The following MORC1 variants were observed in gnomAD, a reference collection of about 807,000 sequenced individuals.
MORC1 encodes MORC family CW-type zinc finger 1.
Under a neutral mutation model 134.9 loss-of-function variants are expected in MORC1, and 59 were observed. The observed-to-expected ratio is 0.44, with a 90% CI of 0.35 to 0.54. The LOEUF (loss-of-function observed/expected upper bound fraction) is 0.54, where lower values mean the gene tolerates loss of function less well. Among genes scored for constraint, MORC1 ranks in the 20% least tolerant of loss-of-function variants. MORC1 has a pLI of 0.00. For missense variants in MORC1, 947 were observed against 1,134.5 expected (o/e 0.83, Z 2.37); for synonymous variants, 395 against 391.7 (o/e 1.01, Z -0.10).
At chr3:109,095,412 A>G (rs983508533) in intron 6 of MORC1, among the ~76,000 whole-genome samples, 3 of 152,196 alleles carry the variant, frequency 2.0e-5, no homozygotes, top group Non-Finnish European at 4.4e-5. Context: ...CAAGCCAGAA[A>G]GCAGAGCCAG....
intron 8 of MORC1, among the ~76,000 whole-genome samples, chr3:109,082,014 A>G (rs1387839916): frequency 1.3e-5 from 2 of 152,080 alleles, no homozygotes; most frequent in African/African-American, 2.4e-5. Flanking sequence ...AAACTGTGCT[A>G]GGTAACTCAG....
At chr3:109,048,007 A>T (rs180795014) in intron 14 of MORC1, among the ~76,000 whole-genome samples, 1 of 152,330 alleles carries the variant, frequency 6.6e-6, no homozygotes, top group African/African-American at 2.4e-5. Context: ...AAAAAGCCAC[A>T]TCTGAATGGG....
intron 15 of MORC1, among the ~76,000 whole-genome samples, chr3:109,033,378 C>A (rs1949289550): frequency 6.6e-6 from 1 of 152,030 alleles, no homozygotes; most frequent in Non-Finnish European, 1.5e-5. Flanking sequence ...TACACATTTT[C>A]TTCTGTACTT....
intron 8 of MORC1, among the ~76,000 whole-genome samples, chr3:109,078,659 CA>C (rs1950468786): frequency 6.6e-6 from 1 of 151,014 alleles, no homozygotes; most frequent in African/African-American, 2.4e-5. Context: ...TAAACAAATC[CA>C]AAAAAGATAT....
intron 14 of MORC1, among the ~76,000 whole-genome samples, chr3:109,046,395 C>T (rs1319540447): frequency 2.6e-5 from 4 of 152,176 alleles, no homozygotes; most frequent in African/African-American, 9.7e-5. Context: ...TAGTCATTGT[C>T]ACTGCTCTCC....
intron 14 of MORC1, among the ~76,000 whole-genome samples, chr3:109,035,951 C>A (rs1479449072): frequency 1.3e-5 from 2 of 152,066 alleles, no homozygotes; most frequent in Non-Finnish European, 2.9e-5. Context: ...ATTGTTTATG[C>A]ACTATCCTAT....
At chr3:109,076,690 A>G (rs1346361187) in intron 8 of MORC1, among the ~76,000 whole-genome samples, 2 of 152,198 alleles carry the variant, frequency 1.3e-5, no homozygotes, top group Admixed American at 6.5e-5. Flanking sequence ...ACATGGATGA[A>G]GCTGGAAACC....
intron 15 of MORC1, 29 bp from the exon 16 acceptor site, chr3:109,032,854 A>G: frequency 7.4e-7 from 1 of 1,353,618 alleles, no homozygotes. Context: ...TGACACAGAA[A>G]AGAGATCAGA....
chr3:109,110,119 G>A (rs1951129455), intron 3 of MORC1: 1 of 152,238 alleles, frequency 6.6e-6, no homozygotes, highest in Non-Finnish European at 1.5e-5. Flanking sequence ...TTTAAACAGA[G>A]ATATGGATTT....
At chr3:108,970,379 A>C (rs977827827) in intron 25 of MORC1, among the ~76,000 whole-genome samples, 1 of 152,228 alleles carries the variant, frequency 6.6e-6, no homozygotes, top group Non-Finnish European at 1.5e-5. Context: ...CCTAGGTTGA[A>C]GGCCTCTGAC....
chr3:109,031,996 C>T (rs1949251397), intron 16 of MORC1, among the ~76,000 whole-genome samples: 1 of 152,140 alleles, frequency 6.6e-6, no homozygotes, highest in African/African-American at 2.4e-5. Flanking sequence ...GCAGCAGTTT[C>T]CAAATGTTTT....
intron 2 of MORC1, among the ~76,000 whole-genome samples, chr3:109,112,878 A>C (rs535810767): frequency 1.3e-5 from 2 of 152,344 alleles, no homozygotes; most frequent in East Asian, 3.9e-4. Flanking sequence ...TCTAAGAATT[A>C]GTTTATCGAT....
chr3:108,978,623 G>C (rs778312455), intron 24 of MORC1, among the ~76,000 whole-genome samples: 2 of 152,168 alleles, frequency 1.3e-5, no homozygotes, highest in Non-Finnish European at 2.9e-5. Flanking sequence ...CTTAGTAGAG[G>C]CTACAGTCCC....
At chr3:109,030,452 A>C (rs1440775000) in intron 16 of MORC1, among the ~76,000 whole-genome samples, 2 of 152,196 alleles carry the variant, frequency 1.3e-5, no homozygotes, top group Non-Finnish European at 2.9e-5. Context: ...GCTCCCATGA[A>C]GGAAGTGCCA....
chr3:108,996,251 T>C lies in MORC1; in HGVS notation c.2187+4306A>G, dbSNP rs557105097. 3.7e-4 allele frequency among the ~76,000 whole-genome samples: 47 copies of C among 126,518 alleles called. 1 individual carries two copies. In the South Asian group the frequency reaches 0.01, roughly 27 times the overall value. 83.0% of individuals were successfully genotyped at this position (126,518 alleles called of 152,430 possible). A position where few individuals can be genotyped will look rare whatever the true frequency, so the allele number is the denominator to read the frequency against. ...AAGCCTGACGCTACCACAATACACA[T>C]GCCTGTGCACATGTGCGCGTGCGTG... On this transcript the variant is annotated intron_variant, in intron 21 of 27. Transcript: ENST00000232603.
intron 16 of MORC1, among the ~76,000 whole-genome samples, chr3:109,030,757 C>A (rs1453210459): frequency 2.6e-5 from 4 of 152,138 alleles, no homozygotes; most frequent in Admixed American, 2.6e-4. Context: ...AGAATTAAAT[C>A]AATAAGATCT....
chr3:109,101,494 T>C (rs558862845), intron 4 of MORC1: 3 of 152,338 alleles, frequency 2.0e-5, no homozygotes, highest in East Asian at 1.9e-4. Context: ...TGCTGAAGAA[T>C]TGTCCTGAGG....
chr3:109,073,458 T>G (rs968176611), intron 8 of MORC1, among the ~76,000 whole-genome samples: 1 of 152,148 alleles, frequency 6.6e-6, no homozygotes, highest in Non-Finnish European at 1.5e-5. Flanking sequence ...CAGGGTAGTA[T>G]GTAAGGCAGG....
intron 17 of MORC1, among the ~76,000 whole-genome samples, chr3:109,015,227 T>C (rs1375015434): frequency 6.6e-6 from 1 of 151,932 alleles, no homozygotes; most frequent in African/African-American, 2.4e-5. Flanking sequence ...AGAACAGACA[T>C]AGCAATGACC....
Sources: allele counts gnomAD v4.1 joint callset (sites outside exome capture counted in the v4.1 genomes callset), GRCh38; gene constraint gnomAD v4.1.1; transcripts MANE v1.5; gene names NCBI Gene and HGNC (gene_info 2026-07-23, HGNC 2026-07-21).